The following THSD7A variants were observed in gnomAD, a reference collection of about 807,000 sequenced individuals.
THSD7A encodes thrombospondin type 1 domain containing 7A.
In THSD7A, 96 loss-of-function variants were observed where a neutral mutation model predicts 231.3. The ratio of observed to expected loss-of-function variants is 0.41; its 90% CI spans 0.35 to 0.49. The LOEUF is 0.49. Ranked by LOEUF, THSD7A falls within the 20% of genes least tolerant of loss-of-function variation. The pLI is 0.05. For missense variants in THSD7A, 2,290 were observed against 2,070.2 expected (o/e 1.11, Z -2.06); for synonymous variants, 940 against 743.3 (o/e 1.26, Z -4.30).
chr7:11,670,300 G>A (rs1393405876), intron 1 of THSD7A, among the ~76,000 whole-genome samples: 1 of 152,164 alleles, frequency 6.6e-6, no homozygotes, highest in Non-Finnish European at 1.5e-5. Flanking sequence ...TGTAGTCAAT[G>A]GAGATCCATT....
intron 11 of THSD7A, among the ~76,000 whole-genome samples, chr7:11,457,677 T>C (rs966911471): frequency 6.6e-6 from 1 of 152,090 alleles, no homozygotes; most frequent in African/African-American, 2.4e-5. Flanking sequence ...TTGACATTTA[T>C]AGCCTTCCAC....
chr7:11,752,452 C>T (rs1782534282), intron 1 of THSD7A, among the ~76,000 whole-genome samples: 1 of 151,968 alleles, frequency 6.6e-6, no homozygotes, highest in Non-Finnish European at 1.5e-5. Context: ...TTGGGCAATG[C>T]AAGATCATTT....
At chr7:11,482,266 C>T (rs1786458280) in intron 6 of THSD7A, among the ~76,000 whole-genome samples, 1 of 152,142 alleles carries the variant, frequency 6.6e-6, no homozygotes, top group Non-Finnish European at 1.5e-5. Context: ...GACACCTGCC[C>T]ATTAAGTACT....
intron 1 of THSD7A, among the ~76,000 whole-genome samples, chr7:11,662,497 G>A (rs1782967121): frequency 6.6e-6 from 1 of 151,300 alleles, no homozygotes; most frequent in Non-Finnish European, 1.5e-5. Flanking sequence ...ACTAATAGAA[G>A]TAAAGAAATA....
rs138122814 is a variant in THSD7A, at chr7:11,430,637, C to CATATATAT, written c.3065-1520_3065-1513dup. ...CCCACCACCATGCCAGGCGAATTTT[C>CATATATAT]ATATATATATATATTTTATAGAGAT... On this transcript the variant is annotated intron_variant, in intron 13 of 27. Transcript: ENST00000423059. Among the ~76,000 whole-genome samples the CATATATAT allele has an allele frequency of 1.4e-4, 21 of 151,096 alleles. No homozygotes were observed. The East Asian group carries it at 3.7e-3, about 27-fold the overall frequency.
intron 4 of THSD7A, among the ~76,000 whole-genome samples, chr7:11,551,848 T>A (rs1277165082): frequency 2.0e-5 from 3 of 152,108 alleles, no homozygotes; most frequent in Non-Finnish European, 4.4e-5. Flanking sequence ...ACTGGGTATA[T>A]ACCCAAAGGA....
chr7:11,811,441 A>T (rs1462970950), intron 1 of THSD7A, among the ~76,000 whole-genome samples: 1 of 152,176 alleles, frequency 6.6e-6, no homozygotes, highest in African/African-American at 2.4e-5. Context: ...TTTAGGAAGA[A>T]CCAAACATAT....
chr7:11,475,156 G>C (rs1044103550), intron 7 of THSD7A, among the ~76,000 whole-genome samples: 1 of 152,158 alleles, frequency 6.6e-6, no homozygotes, highest in South Asian at 2.1e-4. Context: ...AAGTAGACTG[G>C]GCTTATGTTA....
In THSD7A at chr7:11,374,362, T is replaced by C. The variant is rs1440796835; in HGVS notation, c.*1432A>G. ...ATATGCAATGAAGTCTTGGATAAGA[T>C]ATTTATTCTTCTCTTTTAAAATTTT... is the stretch of plus-strand genomic sequence containing the variant. On this transcript the variant is annotated 3_prime_UTR_variant, in exon 28 of 28. Transcript: ENST00000423059. 1 of 152,106 alleles carries C rather than the reference T, an allele frequency of 6.6e-6. No individual in the cohort carries two copies. The highest frequency in any genetic ancestry group is 1.5e-5 in the Non-Finnish European group (1 of 67,992). 9.4% of individuals were successfully genotyped at this position (152,106 alleles called of 1,614,324 possible).
At chr7:11,432,629 TG>T (rs753936397) in intron 13 of THSD7A, among the ~76,000 whole-genome samples, 100 of 152,244 alleles carry the variant, frequency 6.6e-4, no homozygotes, top group Non-Finnish European at 1.3e-3. Context: ...TCTACGTTGG[TG>T]CATATTGCTG....
intron 4 of THSD7A, among the ~76,000 whole-genome samples, chr7:11,577,203 T>G (rs1012697472): frequency 6.6e-6 from 1 of 152,256 alleles, no homozygotes; most frequent in Non-Finnish European, 1.5e-5. Flanking sequence ...AACTGTATTT[T>G]CACAGTACTT....
rs201820241 is a variant in THSD7A at position 11,636,453 on chromosome 7, T to G, written c.699A>C (p.Pro233=). ...APPQFGGSGC[P]NLTEFQVCQS... ...GGCACACCTGGAACTCCGTCAGGTT[T>G]GGACAGCCAGAGCCTCCGAACTGCG... Residue 233 remains proline, a synonymous_variant, in exon 2 of 28, where the codon CCA becomes CCC. Coordinates refer to ENST00000423059, the MANE Select transcript of THSD7A (RefSeq NM_015204.3). The surrounding 1 kb of genome is among the most constrained non-coding windows in gnomAD (Gnocchi z 10.0). The G allele has an allele frequency of 3.2e-5, 51 of 1,613,580 alleles. No homozygotes were observed. The highest frequency in any genetic ancestry group is 4.2e-5 in the Non-Finnish European group (50 of 1,179,824).
At chr7:11,722,060 A>G (rs1188428245) in intron 1 of THSD7A, among the ~76,000 whole-genome samples, 1 of 151,888 alleles carries the variant, frequency 6.6e-6, no homozygotes, top group African/African-American at 2.4e-5. Context: ...CAAAATTATA[A>G]TAACAAGAGG....
At chr7:11,543,995 T>C (rs979296118) in intron 4 of THSD7A, among the ~76,000 whole-genome samples, 3 of 152,140 alleles carry the variant, frequency 2.0e-5, no homozygotes, top group Non-Finnish European at 2.9e-5. Context: ...TATCTATCTA[T>C]ATAATATCTG....
In THSD7A at chr7:11,544,517, G is replaced by C. The variant is rs145286044; in HGVS notation, c.1454-1400C>G. On this transcript the variant is annotated intron_variant, in intron 4 of 27. Transcript: ENST00000423059. ...AGGACTATCAAATTCCAATTGCATA[G>C]GATTGCATGCAGAAGCTCACAGAGA... Among the ~76,000 whole-genome samples the C allele has an allele frequency of 4.6e-5, 7 of 152,178 alleles. 1 individual carries two copies. In the South Asian group the frequency reaches 1.0e-3, roughly 23 times the overall value.
At chr7:11,481,491 G>C (rs986053079) in intron 7 of THSD7A, among the ~76,000 whole-genome samples, 9 of 152,080 alleles carry the variant, frequency 5.9e-5, no homozygotes, top group African/African-American at 1.9e-4. Flanking sequence ...GCCATTTTCA[G>C]ACCTTCTTAA....
At chr7:11,604,042 C>CA (rs201904744) in intron 2 of THSD7A, among the ~76,000 whole-genome samples, 182 of 142,680 alleles carry the variant, frequency 1.3e-3, no homozygotes, top group African/African-American at 3.6e-3. Context: ...AAAAAAATGC[C>CA]AAAAAAAAAA....
At chr7:11,775,712 A>G (rs1055579653) in intron 1 of THSD7A, among the ~76,000 whole-genome samples, 3 of 152,170 alleles carry the variant, frequency 2.0e-5, no homozygotes, top group Non-Finnish European at 4.4e-5. Flanking sequence ...TTATTGTTTA[A>G]CTGGTACAGT....
intron 6 of THSD7A, among the ~76,000 whole-genome samples, chr7:11,490,194 A>T (rs1786830069): frequency 6.6e-6 from 1 of 152,052 alleles, no homozygotes; most frequent in Non-Finnish European, 1.5e-5. Flanking sequence ...CTTTGTTGTA[A>T]TCAATAATAT....
Sources: gnomAD v4.1 joint callset for allele counts (sites outside exome capture counted in the v4.1 genomes callset) on GRCh38, gnomAD v4.1.1 for gene constraint, Gnocchi (gnomAD v3.1) non-coding constraint, MANE v1.5 for transcripts, NCBI Gene and HGNC (gene_info 2026-07-23, HGNC 2026-07-21) for gene names.